Variants in SPAG16 observed in about 807,000 individuals in gnomAD.
SPAG16 encodes the protein sperm associated antigen 16.
Under a neutral mutation model 80.4 loss-of-function variants are expected in SPAG16, and 86 were observed. The ratio of observed to expected loss-of-function variants is 1.07; its 90% confidence interval spans 0.90 to 1.28. SPAG16 has a LOEUF of 1.28. Among genes scored for constraint, SPAG16 ranks in the 50% most tolerant of loss-of-function variants. SPAG16 has a pLI of 0.00. For missense variants in SPAG16, 870 were observed against 765.3 expected (o/e 1.14, Z -1.61); for synonymous variants, 294 against 265.9 (o/e 1.11, Z -1.03).
intron 15 of SPAG16, among the ~76,000 whole-genome samples, chr2:214,257,898 T>A (rs1298955814): frequency 1.3e-5 from 2 of 152,120 alleles, no homozygotes; most frequent in Non-Finnish European, 2.9e-5. Flanking sequence ...CTTCCTTAAA[T>A]GTTTGGTAGC....
At chr2:213,466,238 C>T (rs982616291) in intron 9 of SPAG16, among the ~76,000 whole-genome samples, 5 of 152,224 alleles carry the variant, frequency 3.3e-5, no homozygotes, top group Non-Finnish European at 7.4e-5. Context: ...AATAAAGTCC[C>T]CTTTATATAT....
chr2:213,581,662 T>C (rs1410950792), intron 10 of SPAG16, among the ~76,000 whole-genome samples: 2 of 152,100 alleles, frequency 1.3e-5, no homozygotes, highest in Admixed American at 6.6e-5. Flanking sequence ...AGTGGATCTC[T>C]AGGGAAATTG....
chr2:213,437,716 G>A (rs1276203252), intron 9 of SPAG16, among the ~76,000 whole-genome samples: 1 of 152,068 alleles, frequency 6.6e-6, no homozygotes, highest in African/African-American at 2.4e-5. Flanking sequence ...AGAGAAACAT[G>A]GATGTTTGAG....
At chr2:213,591,668 C>A (rs2060696391) in intron 10 of SPAG16, among the ~76,000 whole-genome samples, 1 of 152,034 alleles carries the variant, frequency 6.6e-6, no homozygotes, top group Non-Finnish European at 1.5e-5. Flanking sequence ...GGCTCGACTC[C>A]AAATATAACA....
chr2:213,927,648 A>G (rs10199501), intron 11 of SPAG16, among the ~76,000 whole-genome samples: 88,781 of 152,162 alleles, frequency 0.58, 27,777 homozygotes, highest in South Asian at 0.84. Context: ...AATATCAGTT[A>G]CAGCACTCAC....
chr2:214,087,853 A>C (rs557914840), intron 13 of SPAG16, among the ~76,000 whole-genome samples: 154 of 152,142 alleles, frequency 1.0e-3, no homozygotes, highest in Non-Finnish European at 1.8e-3. Flanking sequence ...AATAAAACAC[A>C]TATGGAGGCA....
chr2:214,171,257 A>T (rs1203895139), intron 15 of SPAG16, among the ~76,000 whole-genome samples: 1 of 151,892 alleles, frequency 6.6e-6, no homozygotes, highest in Non-Finnish European at 1.5e-5. Context: ...ACTGGACCTT[A>T]ATTATCATGG....
At chr2:213,615,447 T>C (rs2061562233) in intron 10 of SPAG16, among the ~76,000 whole-genome samples, 2 of 151,968 alleles carry the variant, frequency 1.3e-5, no homozygotes, top group Admixed American at 6.6e-5. Flanking sequence ...AAAAATTACC[T>C]GGGTGGGATG....
intron 13 of SPAG16, among the ~76,000 whole-genome samples, chr2:214,079,121 A>T (rs1459831271): frequency 6.6e-6 from 1 of 152,174 alleles, no homozygotes; most frequent in Non-Finnish European, 1.5e-5. Context: ...AAGAGAAAAG[A>T]TCATCATAGC....
intron 10 of SPAG16, among the ~76,000 whole-genome samples, chr2:213,576,562 T>C (rs1241518978): frequency 6.6e-6 from 1 of 152,046 alleles, no homozygotes; most frequent in Non-Finnish European, 1.5e-5. Context: ...AGCAAAGACA[T>C]GGAATCAACC....
At chr2:213,751,137 A>AT (rs950281696) in intron 10 of SPAG16, among the ~76,000 whole-genome samples, 127 of 148,906 alleles carry the variant, frequency 8.5e-4, no homozygotes, top group African/African-American at 2.5e-3. Context: ...TCAATTGTTA[A>AT]TTTTTTTTTT....
chr2:214,067,492 C>A (rs1211071426), intron 13 of SPAG16, among the ~76,000 whole-genome samples: 1 of 151,808 alleles, frequency 6.6e-6, no homozygotes. Context: ...ACTGGTCCAC[C>A]TGAGAAGCAA....
intron 10 of SPAG16, among the ~76,000 whole-genome samples, chr2:213,837,472 A>C (rs1168620402): frequency 6.6e-6 from 1 of 152,226 alleles, no homozygotes; most frequent in Non-Finnish European, 1.5e-5. Flanking sequence ...AGTCACTTTT[A>C]ACTCCCAGAA....
chr2:213,721,154 C>T (rs1305252567), intron 10 of SPAG16, among the ~76,000 whole-genome samples: 1 of 152,124 alleles, frequency 6.6e-6, no homozygotes, highest in South Asian at 2.1e-4. Context: ...AGGCTGAGTG[C>T]AGTGGCTTGA....
At chr2:214,227,682 T>C (rs1157388532) in intron 15 of SPAG16, among the ~76,000 whole-genome samples, 2 of 147,444 alleles carry the variant, frequency 1.4e-5, no homozygotes, top group African/African-American at 5.0e-5. Context: ...ATTAATAAAT[T>C]TCTTTCTTGT....
At chr2:213,530,177 T>C (rs1337676986) in intron 10 of SPAG16, among the ~76,000 whole-genome samples, 15 of 152,194 alleles carry the variant, frequency 9.9e-5, no homozygotes, top group Admixed American at 9.2e-4. Flanking sequence ...TGATAGAAAG[T>C]AAATAATAAA....
chr2:214,246,002 T>C (rs374073994), intron 15 of SPAG16, among the ~76,000 whole-genome samples: 1 of 152,164 alleles, frequency 6.6e-6, no homozygotes, highest in Non-Finnish European at 1.5e-5. Flanking sequence ...TACGCCCCCA[T>C]TGTATGGGTA....
chr2:213,540,774 T>TA (rs1213574713), intron 10 of SPAG16, among the ~76,000 whole-genome samples: 5 of 152,202 alleles, frequency 3.3e-5, no homozygotes, highest in African/African-American at 7.2e-5. Context: ...TGCTGTGACT[T>TA]AAAAAATGGA....
intron 15 of SPAG16, among the ~76,000 whole-genome samples, chr2:214,247,357 G>A (rs559689716): frequency 6.6e-4 from 101 of 151,986 alleles, no homozygotes; most frequent in African/African-American, 2.4e-3. Flanking sequence ...TTTATATTCT[G>A]TTTTTACATA....
Sources: gnomAD v4.1 joint callset for allele counts (sites outside exome capture counted in the v4.1 genomes callset) on GRCh38, gnomAD v4.1.1 for gene constraint, MANE v1.5 for transcripts, NCBI Gene and HGNC (gene_info 2026-07-23, HGNC 2026-07-21) for gene names.